The following CLYBL variants were observed in gnomAD, a reference collection of about 807,000 sequenced individuals.
CLYBL encodes citramalyl-CoA lyase.
A neutral mutation model predicts 38.9 loss-of-function variants in CLYBL; 31 were observed. The observed-to-expected ratio is 0.80, with a 90% confidence interval of 0.60 to 1.08. The LOEUF (loss-of-function observed/expected upper bound fraction) is 1.08. CLYBL is among the 50% of genes least tolerant of loss of function. CLYBL has a pLI of 0.00. For missense variants in CLYBL, 434 were observed against 411.6 expected, an observed-to-expected ratio of 1.05 and a Z score of -0.47; for synonymous variants, 171 against 158.6, an observed-to-expected ratio of 1.08 and a Z score of -0.59.
intron 7 of CLYBL, among the ~76,000 whole-genome samples, chr13:99,875,088 T>A (rs1422037556): frequency 6.6e-6 from 1 of 152,240 alleles, no homozygotes; most frequent in Non-Finnish European, 1.5e-5. Flanking sequence ...TTTCAATATT[T>A]CTCCTTCGTT....
intron 1 of CLYBL, among the ~76,000 whole-genome samples, chr13:99,608,692 T>G (rs1405113031): frequency 6.6e-6 from 1 of 152,108 alleles, no homozygotes; most frequent in Non-Finnish European, 1.5e-5. Context: ...ACTGGTCTGT[T>G]CTCGACATGT....
chr13:99,610,369 T>A (rs1487040393), intron 1 of CLYBL, among the ~76,000 whole-genome samples: 4 of 152,340 alleles, frequency 2.6e-5, no homozygotes, highest in South Asian at 4.1e-4. Flanking sequence ...TCTTGTATAT[T>A]TTTTTGAAAA....
chr13:99,692,234 C>T (rs577812614), intron 1 of CLYBL, among the ~76,000 whole-genome samples: 5 of 152,034 alleles, frequency 3.3e-5, no homozygotes, highest in South Asian at 2.1e-4. Context: ...TAAAAATTGT[C>T]GCTTTATTGA....
intron 7 of CLYBL, 133 bp downstream of exon 7, chr13:99,871,195 A>G: frequency 6.9e-6 from 7 of 1,013,632 alleles, no homozygotes; most frequent in Non-Finnish European, 1.0e-5. Context: ...AGGGAACACA[A>G]CATTCACCAG....
chr13:99,782,753 C>G (rs988113724), intron 2 of CLYBL, among the ~76,000 whole-genome samples: 1 of 151,934 alleles, frequency 6.6e-6, no homozygotes. Flanking sequence ...GTTGTGTTTC[C>G]TATATTTGTA....
At chr13:99,758,935 C>G (rs1594164039) in intron 1 of CLYBL, among the ~76,000 whole-genome samples, 1 of 152,214 alleles carries the variant, frequency 6.6e-6, no homozygotes, top group African/African-American at 2.4e-5. Context: ...CACAGTGCAG[C>G]TCAGGGCCAC....
downstream of CLYBL, among the ~76,000 whole-genome samples, chr13:99,899,980 G>A (rs1229524590): frequency 1.3e-5 from 2 of 152,058 alleles, no homozygotes; most frequent in South Asian, 2.1e-4. Context: ...ATGCTGGAGT[G>A]TAGTGGTGAG....
chr13:99,665,739 A>G (rs547969615), intron 1 of CLYBL, among the ~76,000 whole-genome samples: 1 of 152,324 alleles, frequency 6.6e-6, no homozygotes, highest in Admixed American at 6.5e-5. Flanking sequence ...CTAGAAGTTT[A>G]GAGGAGGTAT....
chr13:99,840,709 C>G (rs1473521446), intron 2 of CLYBL, among the ~76,000 whole-genome samples: 4 of 130,002 alleles, frequency 3.1e-5, no homozygotes, highest in Non-Finnish European at 4.6e-5. Flanking sequence ...GTGATCGTAC[C>G]ACTGCACTCC....
intron 1 of CLYBL, among the ~76,000 whole-genome samples, chr13:99,653,754 A>G (rs1419817059): frequency 6.6e-6 from 1 of 151,898 alleles, no homozygotes; most frequent in Admixed American, 6.6e-5. Context: ...GGACGCTGAC[A>G]GTGTGGTTTT....
chr13:99,817,675 A>G (rs1169530475), intron 2 of CLYBL, among the ~76,000 whole-genome samples: 17 of 119,982 alleles, frequency 1.4e-4, no homozygotes, highest in Admixed American at 6.7e-4. Flanking sequence ...AAAAAAAAAG[A>G]AAAGAAAAAA....
At chr13:99,859,143 T>C (rs1566357018) in intron 3 of CLYBL, 94 bp downstream of exon 3, 2 of 922,942 alleles carry the variant, frequency 2.2e-6, no homozygotes, top group Non-Finnish European at 3.2e-6. Flanking sequence ...GGAAAATGCA[T>C]GCAGAGAGCA....
chr13:99,656,444 A>ACG (rs1331965416), intron 1 of CLYBL, among the ~76,000 whole-genome samples: 1 of 152,184 alleles, frequency 6.6e-6, no homozygotes, highest in Non-Finnish European at 1.5e-5. Context: ...TCGTCTACAG[A>ACG]TAGGTATATA....
At chr13:99,852,301 C>A (rs2051351419) in intron 2 of CLYBL, among the ~76,000 whole-genome samples, 1 of 152,116 alleles carries the variant, frequency 6.6e-6, no homozygotes, top group Admixed American at 6.5e-5. Context: ...TGCAGTGGTG[C>A]AATCACAGCT....
intron 1 of CLYBL, among the ~76,000 whole-genome samples, chr13:99,621,794 G>A (rs1594087335): frequency 6.6e-6 from 1 of 151,966 alleles, no homozygotes; most frequent in Non-Finnish European, 1.5e-5. Flanking sequence ...GCTGTTGTTA[G>A]TGGATTTTAT....
intron 2 of CLYBL, among the ~76,000 whole-genome samples, chr13:99,789,011 G>A (rs926576939): frequency 1.3e-5 from 2 of 152,192 alleles, no homozygotes; most frequent in African/African-American, 2.4e-5. Flanking sequence ...AGTATTCTCT[G>A]ATGGTAGTTT....
In CLYBL at chr13:99,674,119, G is replaced by A. The variant is rs9652119; in HGVS notation, c.62+67362G>A. Among the ~76,000 whole-genome samples the A allele has an allele frequency of 1.3e-4, 13 of 97,378 alleles. 1 individual carries two copies. Among genetic ancestry groups the A allele is most frequent in the South Asian group, 6.7e-4 (2 of 3,002 alleles). 63.9% of individuals were successfully genotyped at this position (97,378 alleles called of 152,430 possible). ...GAATTTAAGATAGCTACTAGAATTC[G>A]TTTTTTTTTAGCTACTAGAATTCTT... On this transcript the variant is annotated intron_variant, in intron 1 of 8. Transcript: ENST00000339105.
chr13:99,842,914 T>C (rs577778565), intron 2 of CLYBL, among the ~76,000 whole-genome samples: 1 of 151,754 alleles, frequency 6.6e-6, no homozygotes, highest in Non-Finnish European at 1.5e-5. Flanking sequence ...CAAAACCCTA[T>C]CCCTTTGCGG....
rs1555314795 is a variant in CLYBL at position 99,833,007 on chromosome 13, CATATAT to C, written c.250-25835_250-25830del. ...TAAGTAGTATATACATACATACATA[CATATAT>C]ATATATATATATATATATTTTTTTT... On this transcript the variant is annotated intron_variant, in intron 2 of 8. Coordinates refer to ENST00000339105, the MANE Select transcript of CLYBL (RefSeq NM_206808.5). Among the ~76,000 whole-genome samples the C allele has an allele frequency of 8.5e-4, 44 of 51,580 alleles. 1 individual carries two copies. The highest frequency in any genetic ancestry group is 3.0e-3 in the African/African-American group (39 of 12,990). The allele number at this position is 51,580 out of a possible 152,430, so 33.8% of individuals were successfully genotyped here. A position where few individuals can be genotyped will look rare whatever the true frequency, so the allele number is the denominator to read the frequency against.
Sources: allele counts gnomAD v4.1 joint callset (sites outside exome capture counted in the v4.1 genomes callset), GRCh38; gene constraint gnomAD v4.1.1; transcripts MANE v1.5; gene names NCBI Gene and HGNC (gene_info 2026-07-23, HGNC 2026-07-21).